SGCD: variants seen among roughly 807,000 people sequenced by gnomAD.
The protein encoded by SGCD is sarcoglycan delta, also known as delta-sarcoglycan.
Under a neutral mutation model 36.6 loss-of-function variants are expected in SGCD, and 18 were observed. That is an observed-to-expected ratio of 0.49 (90% CI 0.34 to 0.73). The LOEUF (loss-of-function observed/expected upper bound fraction) is 0.73. Ranked by LOEUF, SGCD falls within the 30% of genes least tolerant of loss-of-function variation. The pLI, the probability that SGCD is intolerant of heterozygous loss-of-function variation, is 0.01. For missense variants in SGCD, 387 were observed against 346.7 expected, an observed-to-expected ratio of 1.12 and a Z score of -0.92; for synonymous variants, 133 against 130.6, an observed-to-expected ratio of 1.02 and a Z score of -0.12.
chr5:156,397,836 C>T (rs951131719), intron 3 of SGCD, among the ~76,000 whole-genome samples: 4 of 152,160 alleles, frequency 2.6e-5, no homozygotes, highest in African/African-American at 9.7e-5. Context: ...CAGCTCCCAA[C>T]CAAGAGCAGG....
intron 3 of SGCD, among the ~76,000 whole-genome samples, chr5:156,470,381 T>A (rs944374741): frequency 6.6e-6 from 1 of 152,138 alleles, no homozygotes; most frequent in African/African-American, 2.4e-5. Context: ...TTAGGGTAGA[T>A]GTGCACAATG....
At chr5:156,424,415 G>A (rs979798485) in intron 3 of SGCD, among the ~76,000 whole-genome samples, 6 of 151,964 alleles carry the variant, frequency 3.9e-5, no homozygotes, top group Non-Finnish European at 5.9e-5. Flanking sequence ...GAATGTCCTC[G>A]TTCATAAACC....
intron 1 of SGCD, among the ~76,000 whole-genome samples, chr5:155,979,189 A>G (rs918214578): frequency 6.6e-6 from 1 of 152,232 alleles, no homozygotes. Context: ...GATCATTGCA[A>G]CTACCTTGAA....
intron 3 of SGCD, among the ~76,000 whole-genome samples, chr5:156,350,263 A>T (rs1260478548): frequency 6.9e-6 from 1 of 145,028 alleles, no homozygotes; most frequent in African/African-American, 2.5e-5. Context: ...ATATATATAT[A>T]TGTACACACA....
At chr5:156,697,772 G>C (rs754519291) in intron 7 of SGCD, among the ~76,000 whole-genome samples, 1 of 151,990 alleles carries the variant, frequency 6.6e-6, no homozygotes, top group Non-Finnish European at 1.5e-5. Flanking sequence ...TGGATGGATG[G>C]ATGGATGGAT....
chr5:156,688,817 CA>C (rs2113701069), intron 7 of SGCD, among the ~76,000 whole-genome samples: 1 of 152,292 alleles, frequency 6.6e-6, no homozygotes, highest in African/African-American at 2.4e-5. Context: ...GCTGGACAGC[CA>C]AAAACCTACC....
At chr5:156,408,702 A>G (rs943147577) in intron 3 of SGCD, among the ~76,000 whole-genome samples, 4 of 152,084 alleles carry the variant, frequency 2.6e-5, no homozygotes, top group Non-Finnish European at 4.4e-5. Flanking sequence ...GTCTTCTGCC[A>G]TCTTTCTCTT....
chr5:156,071,380 C>T (rs1303713464), intron 1 of SGCD, among the ~76,000 whole-genome samples: 1 of 152,138 alleles, frequency 6.6e-6, no homozygotes, highest in African/African-American at 2.4e-5. Context: ...GCCTTCATTT[C>T]GTGATGTACC....
intron 1 of SGCD, among the ~76,000 whole-genome samples, chr5:156,092,060 T>C (rs1284064619): frequency 2.0e-5 from 3 of 152,232 alleles, no homozygotes; most frequent in Admixed American, 6.5e-5. Context: ...CTCAGGCTGT[T>C]ATCAGTGTTT....
the SGCD span, among the ~76,000 whole-genome samples, chr5:155,800,374 A>G: frequency 1.3e-5 from 2 of 151,874 alleles, no homozygotes; most frequent in Non-Finnish European, 2.9e-5. Context: ...TGTATGATAT[A>G]CTCTCTCAGT....
intron 1 of SGCD, among the ~76,000 whole-genome samples, chr5:156,022,640 A>T (rs1561685541): frequency 6.6e-6 from 1 of 152,194 alleles, no homozygotes. Context: ...TATGTAGGGA[A>T]TATTTTTGTG....
chr5:156,406,790 T>TTATATATA (rs200600544), intron 3 of SGCD, among the ~76,000 whole-genome samples: 1,098 of 75,168 alleles, frequency 0.015, 12 homozygotes, highest in South Asian at 0.02. Context: ...ATAGGAGATT[T>TTATATATA]TATATATATA....
At chr5:156,275,641 G>A (rs999334655) in intron 3 of SGCD, among the ~76,000 whole-genome samples, 1 of 152,050 alleles carries the variant, frequency 6.6e-6, no homozygotes, top group African/African-American at 2.4e-5. Flanking sequence ...CTAAGTTCTG[G>A]GATGAAAGGG....
intron 7 of SGCD, among the ~76,000 whole-genome samples, chr5:156,668,872 G>A (rs191792979): frequency 3.9e-5 from 6 of 152,266 alleles, no homozygotes; most frequent in East Asian, 3.9e-4. Flanking sequence ...AAGGAAAGTC[G>A]AAAGCAAAGG....
chr5:156,430,522 G>A (rs1298339843), intron 3 of SGCD, among the ~76,000 whole-genome samples: 1 of 151,934 alleles, frequency 6.6e-6, no homozygotes, highest in Non-Finnish European at 1.5e-5. Context: ...ATCCATTGCT[G>A]GGGAGCTTGT....
intron 4 of SGCD, among the ~76,000 whole-genome samples, chr5:156,565,337 T>C (rs1366902808): frequency 6.6e-6 from 1 of 152,208 alleles, no homozygotes; most frequent in Non-Finnish European, 1.5e-5. Context: ...AAATTAATTA[T>C]AAGTGAAAGT....
chr5:156,269,236 G>A (rs540171037), intron 3 of SGCD, among the ~76,000 whole-genome samples: 33 of 151,974 alleles, frequency 2.2e-4, no homozygotes, highest in African/African-American at 7.5e-4. Flanking sequence ...TTGGGAGTCC[G>A]AGACAGGCAG....
At chr5:156,097,192 G>T (rs1173274681) in intron 1 of SGCD, among the ~76,000 whole-genome samples, 5 of 151,496 alleles carry the variant, frequency 3.3e-5, no homozygotes, top group Admixed American at 1.3e-4. Context: ...TTTTCTCTAG[G>T]TTTACCCTGT....
chr5:156,289,279 A>G (rs1766696654), intron 3 of SGCD, among the ~76,000 whole-genome samples: 2 of 148,680 alleles, frequency 1.3e-5, no homozygotes, highest in African/African-American at 5.2e-5. Context: ...TGAGCAAGCA[A>G]CCCCTTATTT....
Sources: allele counts gnomAD v4.1 joint callset (sites outside exome capture counted in the v4.1 genomes callset), GRCh38; gene constraint gnomAD v4.1.1; transcripts MANE v1.5; gene names NCBI Gene and HGNC (gene_info 2026-07-23, HGNC 2026-07-21).